RALGAPA1: variants seen among roughly 807,000 people sequenced by gnomAD.
RALGAPA1 encodes ral GTPase-activating protein subunit alpha-1.
Under a neutral mutation model 269.6 loss-of-function variants are expected in RALGAPA1, and 52 were observed. The observed-to-expected ratio is 0.19, with a 90% CI of 0.15 to 0.24. The LOEUF (loss-of-function observed/expected upper bound fraction) is 0.24. Among genes scored for constraint, RALGAPA1 ranks in the 10% least tolerant of loss-of-function variants. The pLI is 1.00. For missense variants in RALGAPA1, 1,917 were observed against 3,013.9 expected (o/e 0.64, Z 8.52); for synonymous variants, 817 against 1,008.3 (o/e 0.81, Z 3.60).
chr14:35,553,366 G>A (rs1036856816), intron 39 of RALGAPA1, among the ~76,000 whole-genome samples: 3 of 152,172 alleles, frequency 2.0e-5, no homozygotes, highest in Admixed American at 1.3e-4. Flanking sequence ...ATTTCTCATG[G>A]AGGAAAAGGA....
rs574862828 is a variant in RALGAPA1, at chr14:35,795,836, A to G, written c.106+12894T>C. 5.3e-3 allele frequency among the ~76,000 whole-genome samples: 781 copies of G among 148,080 alleles called. 2 individuals carry two copies. Among genetic ancestry groups the G allele is most frequent in the Non-Finnish European group, 8.4e-3 (562 of 67,200 alleles). On this transcript the variant is annotated intron_variant, in intron 1 of 41. Transcript: ENST00000680220. ...TACCAAAAAAAAAAAAAAAAAAATT[A>G]GCTGGGTGTGGTGGCATGCACCTGT...
intron 35 of RALGAPA1, among the ~76,000 whole-genome samples, chr14:35,620,142 C>A (rs1328770542): frequency 6.6e-6 from 1 of 152,182 alleles, no homozygotes; most frequent in Non-Finnish European, 1.5e-5. Flanking sequence ...TCCAGCAGCA[C>A]GTCAAAAAGC....
At chr14:35,567,022 T>C (rs1032485596) in intron 39 of RALGAPA1, among the ~76,000 whole-genome samples, 2 of 151,874 alleles carry the variant, frequency 1.3e-5, no homozygotes, top group Admixed American at 6.6e-5. Context: ...TCAGGTAGCA[T>C]AGGAAAACAA....
At chr14:35,625,494 G>A (rs1315053940) in intron 34 of RALGAPA1, 62 bp from the exon 35 acceptor site, 22 of 1,239,632 alleles carry the variant, frequency 1.8e-5, no homozygotes. Flanking sequence ...GACAGTCCCG[G>A]AAATACTTTC....
At chr14:35,547,695 T>C (rs2054574620) in intron 41 of RALGAPA1, among the ~76,000 whole-genome samples, 1 of 152,116 alleles carries the variant, frequency 6.6e-6, no homozygotes, top group Non-Finnish European at 1.5e-5. Flanking sequence ...CCAAACTGGG[T>C]AATTTTGGAT....
intron 31 of RALGAPA1, among the ~76,000 whole-genome samples, chr14:35,644,060 C>T (rs977300739): frequency 1.1e-4 from 16 of 152,174 alleles, no homozygotes; most frequent in African/African-American, 3.9e-4. Flanking sequence ...TTGTAACACA[C>T]AGAAAGGATA....
chr14:35,763,119 A>G (rs895650585), intron 4 of RALGAPA1, among the ~76,000 whole-genome samples: 2 of 152,216 alleles, frequency 1.3e-5, no homozygotes, highest in African/African-American at 4.8e-5. Context: ...CCACATGAAC[A>G]TCCTTAACTG....
rs919087703 is a variant in RALGAPA1, at chr14:35,805,062, C to T, written c.106+3668G>A. Among the ~76,000 whole-genome samples the T allele has an allele frequency of 4.0e-5, 6 of 149,568 alleles. No individual in the cohort carries two copies. The South Asian group carries it at 6.3e-4, about 16-fold the overall frequency. Reference sequence around the variant, plus strand: ...CAGCACTTTGGGAGGCTGAGGCAGGCGGATCACGAGGTCGCGAGTTCAAGA... The same window carrying T: ...CAGCACTTTGGGAGGCTGAGGCAGGTGGATCACGAGGTCGCGAGTTCAAGA... On this transcript the variant is annotated intron_variant, in intron 1 of 41. Coordinates refer to ENST00000680220, the MANE Select transcript of RALGAPA1 (RefSeq NM_001346249.2).
chr14:35,550,980 G>A (rs935130721), intron 39 of RALGAPA1, among the ~76,000 whole-genome samples: 1 of 152,104 alleles, frequency 6.6e-6, no homozygotes. Context: ...GAAACTGATG[G>A]TACAATCTAA....
intron 39 of RALGAPA1, among the ~76,000 whole-genome samples, chr14:35,566,318 C>A (rs953603102): frequency 6.6e-6 from 1 of 152,158 alleles, no homozygotes; most frequent in Non-Finnish European, 1.5e-5. Flanking sequence ...ACAATCAATA[C>A]TGTCCCCATT....
chr14:35,790,016 G>A (rs2141757811), intron 1 of RALGAPA1, among the ~76,000 whole-genome samples: 1 of 152,294 alleles, frequency 6.6e-6, no homozygotes, highest in African/African-American at 2.4e-5. Context: ...CACTTTGGGA[G>A]GCCAAGGAGG....
At chr14:35,563,043 A>G (rs999580591) in intron 39 of RALGAPA1, among the ~76,000 whole-genome samples, 1 of 149,136 alleles carries the variant, frequency 6.7e-6, no homozygotes, top group East Asian at 1.9e-4. Flanking sequence ...AAAAAAAAAA[A>G]AAAAAGAATC....
intron 3 of RALGAPA1, among the ~76,000 whole-genome samples, chr14:35,774,674 A>G (rs182632945): frequency 5.9e-5 from 9 of 152,290 alleles, no homozygotes; most frequent in African/African-American, 1.9e-4. Flanking sequence ...TTAGGTAAGA[A>G]TGTTTTGGAG....
At chr14:35,766,291 C>G in intron 4 of RALGAPA1, 4 of 888,714 alleles carry the variant, frequency 4.5e-6, no homozygotes, top group Non-Finnish European at 7.6e-6. Flanking sequence ...GAACATGACC[C>G]TACGGATTCT....
At chr14:35,580,044 A>G (rs2057854485) in intron 37 of RALGAPA1, among the ~76,000 whole-genome samples, 1 of 152,236 alleles carries the variant, frequency 6.6e-6, no homozygotes, top group African/African-American at 2.4e-5. Context: ...TACAAGGTTC[A>G]TTTATTTGCA....
intron 17 of RALGAPA1, among the ~76,000 whole-genome samples, chr14:35,690,522 AC>A (rs2140461920): frequency 6.6e-6 from 1 of 152,288 alleles, no homozygotes; most frequent in African/African-American, 2.4e-5. Context: ...GAAAGTCTCT[AC>A]CCTCTTCCTA....
intron 28 of RALGAPA1, among the ~76,000 whole-genome samples, chr14:35,657,707 TA>T (rs1173349883): frequency 6.8e-6 from 1 of 147,388 alleles, no homozygotes; most frequent in Admixed American, 6.8e-5. Context: ...TTTTTTTTGG[TA>T]AAAAAAAGCA....
intron 37 of RALGAPA1, among the ~76,000 whole-genome samples, chr14:35,589,646 G>C (rs972808689): frequency 2.6e-5 from 4 of 151,928 alleles, no homozygotes; most frequent in Non-Finnish European, 5.9e-5. Flanking sequence ...CTCTGCATTG[G>C]GGTTTAAAAA....
intron 39 of RALGAPA1, among the ~76,000 whole-genome samples, chr14:35,554,380 T>A (rs2055356782): frequency 7.9e-6 from 1 of 126,046 alleles, no homozygotes; most frequent in Non-Finnish European, 1.6e-5. Flanking sequence ...GGAGTCTCAC[T>A]CTGTCGCCCA....
Sources: gnomAD v4.1 joint callset for allele counts (sites outside exome capture counted in the v4.1 genomes callset) on GRCh38, gnomAD v4.1.1 for gene constraint, MANE v1.5 for transcripts, NCBI Gene and HGNC (gene_info 2026-07-23, HGNC 2026-07-21) for gene names.